The following SLC5A4 variants were observed in gnomAD, a reference collection of about 807,000 sequenced individuals.
The protein encoded by SLC5A4 is solute carrier family 5 member 4.
A neutral mutation model predicts 70.3 loss-of-function variants in SLC5A4; 55 were observed. The ratio of observed to expected loss-of-function variants is 0.78; its 90% CI spans 0.63 to 0.98. SLC5A4 has a LOEUF of 0.98. SLC5A4 is among the 50% of genes least tolerant of loss of function. The pLI is 0.00. For synonymous variants in SLC5A4, 268 were observed against 305.7 expected (o/e 0.88, Z 1.29); for missense variants, 735 against 839.2 (o/e 0.88, Z 1.53).
the SLC5A4 span, among the ~76,000 whole-genome samples, chr22:32,330,660 GGT>G: frequency 2.7e-3 from 291 of 109,382 alleles, 1 homozygote; most frequent in Non-Finnish European, 4.6e-3. Flanking sequence ...TTGGGGCTCT[GGT>G]GTGTGTGTTA....
the SLC5A4 span, among the ~76,000 whole-genome samples, chr22:32,306,902 A>G: frequency 2.1e-5 from 2 of 94,008 alleles, no homozygotes; most frequent in East Asian, 2.3e-4. Flanking sequence ...TGCAATTCCA[A>G]GAAGAGGCGC....
chr22:32,308,186 T>C, the SLC5A4 span, among the ~76,000 whole-genome samples: 1 of 152,062 alleles, frequency 6.6e-6, no homozygotes, highest in Non-Finnish European at 1.5e-5. Flanking sequence ...ATTTCAAACA[T>C]GGGGGAAATC....
At chr22:32,337,578 C>G in the SLC5A4 span, among the ~76,000 whole-genome samples, 2 of 152,324 alleles carry the variant, frequency 1.3e-5, no homozygotes, top group East Asian at 3.9e-4. Flanking sequence ...TGGCTTCCCA[C>G]AGTAGTGTTC....
the SLC5A4 span, among the ~76,000 whole-genome samples, chr22:32,292,515 AGT>A: frequency 6.6e-6 from 1 of 151,120 alleles, no homozygotes; most frequent in African/African-American, 2.4e-5. Flanking sequence ...AGAGGCAGAG[AGT>A]GAGTCTTCCC....
At chr22:32,278,871 C>T in the SLC5A4 span, among the ~76,000 whole-genome samples, 1 of 152,214 alleles carries the variant, frequency 6.6e-6, no homozygotes, top group African/African-American at 2.4e-5. Flanking sequence ...AAGTCAGATA[C>T]AGTTCTTACA....
At chr22:32,329,848 G>A in the SLC5A4 span, among the ~76,000 whole-genome samples, 1 of 47,468 alleles carries the variant, frequency 2.1e-5, no homozygotes, top group African/African-American at 1.1e-4. Flanking sequence ...GTGTGTGTGT[G>A]TTGGGGGCTC....
rs1296228867 is a variant in SLC5A4 at position 32,218,753 on chromosome 22, A to G, written c.1769-28T>C. On this transcript the variant is annotated intron_variant, in intron 14 of 14. Coordinates refer to ENST00000266086, the MANE Select transcript of SLC5A4 (RefSeq NM_014227.3). ...GGAACAAAGATAAGCAAATGATTGCAGAAGATCTAGATCACAAAGGAACTA... is the reference window on the plus strand; with the variant it reads ...GGAACAAAGATAAGCAAATGATTGCGGAAGATCTAGATCACAAAGGAACTA... 3.3e-6 allele frequency: 5 copies of G among 1,537,654 alleles called. No homozygotes were observed. In the South Asian group the frequency reaches 4.5e-5, roughly 14 times the overall value.
the SLC5A4 span, among the ~76,000 whole-genome samples, chr22:32,319,631 CACTG>C: frequency 2.6e-5 from 4 of 152,166 alleles, no homozygotes; most frequent in East Asian, 5.8e-4. Context: ...CTCTGGAGCA[CACTG>C]ACTAATACAC....
chr22:32,299,004 G>A, the SLC5A4 span, among the ~76,000 whole-genome samples: 3 of 137,486 alleles, frequency 2.2e-5, no homozygotes, highest in African/African-American at 8.4e-5. Context: ...CTGGCTTGTA[G>A]GGTTTCTGCC....
chr22:32,288,087 T>G, the SLC5A4 span, among the ~76,000 whole-genome samples: 1 of 151,566 alleles, frequency 6.6e-6, no homozygotes, highest in Non-Finnish European at 1.5e-5. Context: ...TGACCTCAGG[T>G]GATCCACCTG....
the SLC5A4 span, among the ~76,000 whole-genome samples, chr22:32,333,732 A>G: frequency 2.6e-5 from 4 of 151,814 alleles, no homozygotes; most frequent in Non-Finnish European, 5.9e-5. Context: ...AACATCCACA[A>G]TACACACACG....
chr22:32,347,740 G>T, the SLC5A4 span, among the ~76,000 whole-genome samples: 1 of 150,908 alleles, frequency 6.6e-6, no homozygotes, highest in Non-Finnish European at 1.5e-5. Flanking sequence ...AGTATTAGAA[G>T]ATATACCTAA....
chr22:32,282,204 C>T, the SLC5A4 span, among the ~76,000 whole-genome samples: 1 of 152,098 alleles, frequency 6.6e-6, no homozygotes, highest in East Asian at 1.9e-4. Flanking sequence ...AACTCCTCTC[C>T]GTCTTTCTTG....
At chr22:32,311,198 G>A in the SLC5A4 span, among the ~76,000 whole-genome samples, 26 of 152,178 alleles carry the variant, frequency 1.7e-4, no homozygotes, top group Non-Finnish European at 2.6e-4. Context: ...CGCCGCCCTT[G>A]CCACCTTCAC....
rs145590174 is a variant in SLC5A4, at chr22:32,237,282, A to G, written c.626T>C (p.Ile209Thr). The change falls in exon 7 of 15, where the codon ATC (isoleucine) becomes ACC (threonine). Residue 209 changes from isoleucine to threonine, a missense_variant. Transcript: ENST00000266086. ...SVIYTDTLQT[I>T]IMLIGSFILM... ...AATAAAAGAGCCAATCAGCATGATG[A>G]TGGTCTGGAGGGTGTCTGTGTAAAT... The G allele has an allele frequency of 6.5e-5, 105 of 1,610,034 alleles. No homozygotes were observed. Among genetic ancestry groups the G allele is most frequent in the Non-Finnish European group, 8.8e-5 (104 of 1,178,030 alleles).
the SLC5A4 span, among the ~76,000 whole-genome samples, chr22:32,260,354 C>A: frequency 5.9e-5 from 9 of 152,062 alleles, no homozygotes; most frequent in African/African-American, 1.7e-4. Flanking sequence ...GCAGTCACTC[C>A]CCCCAGCCGT....
chr22:32,234,910 A>G lies in SLC5A4; in HGVS notation c.848T>C (p.Met283Thr). The stretch of plus-strand genomic sequence containing the variant: ...CCAGTACCACAAAGCTGTAATGGGC[A>G]TTCCAAATATAATTCCTGGCCATGG... ...DIPWPGIIFG[M>T]PITALWYWCT... The change falls in exon 8 of 15, where the codon ATG (methionine) becomes ACG (threonine). Residue 283 changes from methionine to threonine, a missense_variant. Physicochemically the swap from Met to Thr is moderately conservative, Grantham distance 81 (BLOSUM62 -1). Transcript: ENST00000266086. 2 of 1,613,642 alleles carry G rather than the reference A, an allele frequency of 1.2e-6. No individual in the cohort carries two copies. The highest frequency in any genetic ancestry group is 1.7e-6 in the Non-Finnish European group (2 of 1,180,006).
the SLC5A4 span, among the ~76,000 whole-genome samples, chr22:32,289,433 G>T: frequency 6.6e-6 from 1 of 152,088 alleles, no homozygotes; most frequent in Non-Finnish European, 1.5e-5. Context: ...GAGAGTGAGT[G>T]AGTTCTCAGG....
chr22:32,335,729 C>T, the SLC5A4 span, among the ~76,000 whole-genome samples: 6 of 152,210 alleles, frequency 3.9e-5, no homozygotes, highest in East Asian at 1.9e-4. Flanking sequence ...TTCCTGAAGC[C>T]GTAGGTCCCA....
Sources: allele counts gnomAD v4.1 joint callset (sites outside exome capture counted in the v4.1 genomes callset), GRCh38; gene constraint gnomAD v4.1.1; transcripts MANE v1.5; gene names NCBI Gene and HGNC (gene_info 2026-07-23, HGNC 2026-07-21).